Variants in NDRG3 observed in about 807,000 individuals in gnomAD.
The protein encoded by NDRG3 is protein NDRG3.
NDRG3 carries 23 observed loss-of-function variants against 57.2 expected under a neutral mutation model. The ratio of observed to expected loss-of-function variants is 0.40; its 90% confidence interval spans 0.29 to 0.57. The LOEUF (loss-of-function observed/expected upper bound fraction) is 0.57, where lower values mean the gene tolerates loss of function less well. Among genes scored for constraint, NDRG3 ranks in the 20% least tolerant of loss-of-function variants. The probability of loss-of-function intolerance (pLI) is 0.42; values close to 1 mark genes in which losing one functional copy is unlikely to be tolerated. For synonymous variants in NDRG3, 132 were observed against 162.6 expected, an observed-to-expected ratio of 0.81 and a Z score of 1.43; for missense variants, 384 against 457.3, an observed-to-expected ratio of 0.84 and a Z score of 1.46.
In NDRG3 at chr20:36,687,626, A is replaced by C; in HGVS notation, c.200-14T>G. ...AACAGGATTTATCTATAAGAATAAA[A>C]ATACCCATAAGTCACAGGCTCTCCA... is the stretch of plus-strand genomic sequence containing the variant. On this transcript the variant is annotated splice_polypyrimidine_tract_variant and intron_variant, in intron 4 of 15. Coordinates refer to ENST00000349004, the MANE Select transcript of NDRG3 (RefSeq NM_032013.4). 3 of 1,611,242 alleles carry C rather than the reference A, an allele frequency of 1.9e-6. No individual in the cohort carries two copies. The highest frequency in any genetic ancestry group is 2.5e-6 in the Non-Finnish European group (3 of 1,178,404).
At chr20:36,666,443 TC>T in intron 9 of NDRG3, 51 bp from the exon 10 acceptor site, 1 of 1,379,314 alleles carries the variant, frequency 7.2e-7, no homozygotes, top group South Asian at 1.2e-5. Context: ...CCAGAATAAG[TC>T]CATCTTGTTT....
chr20:36,708,789 G>T (rs190266867), intron 2 of NDRG3, among the ~76,000 whole-genome samples: 1 of 151,712 alleles, frequency 6.6e-6, no homozygotes, highest in Non-Finnish European at 1.5e-5. Context: ...ATCCCAGCAC[G>T]GCACTTTGGG....
intron 3 of NDRG3, among the ~76,000 whole-genome samples, chr20:36,705,571 G>A (rs1338714924): frequency 6.6e-6 from 1 of 152,024 alleles, no homozygotes. Context: ...GCTGAATACT[G>A]GAAGCAAGGA....
intron 1 of NDRG3, among the ~76,000 whole-genome samples, chr20:36,732,410 G>A (rs905463037): frequency 1.3e-5 from 2 of 152,186 alleles, no homozygotes; most frequent in Admixed American, 6.6e-5. Context: ...GACACCCAGA[G>A]ACGCATGGAT....
At chr20:36,679,981 C>T (rs1383426374) in intron 8 of NDRG3, among the ~76,000 whole-genome samples, 1 of 151,018 alleles carries the variant, frequency 6.6e-6, no homozygotes, top group African/African-American at 2.4e-5. Context: ...TGCACCACCA[C>T]ACCCGACTAA....
chr20:36,710,128 T>G (rs927760761), intron 2 of NDRG3, among the ~76,000 whole-genome samples: 1 of 152,016 alleles, frequency 6.6e-6, no homozygotes, highest in African/African-American at 2.4e-5. Flanking sequence ...AAGACCAGCC[T>G]AGGCAACATG....
At chr20:36,704,770 G>A (rs980067168) in intron 3 of NDRG3, among the ~76,000 whole-genome samples, 3 of 152,178 alleles carry the variant, frequency 2.0e-5, no homozygotes, top group Non-Finnish European at 4.4e-5. Context: ...TATTACAAAC[G>A]AGTTTGGAAC....
intron 1 of NDRG3, among the ~76,000 whole-genome samples, chr20:36,745,432 C>G (rs1216471649): frequency 1.3e-5 from 2 of 152,144 alleles, no homozygotes; most frequent in African/African-American, 2.4e-5. Context: ...CCTGAGAGCC[C>G]GAGACCCTGA....
At chr20:36,707,668 T>C (rs938174632) in intron 2 of NDRG3, among the ~76,000 whole-genome samples, 2 of 152,004 alleles carry the variant, frequency 1.3e-5, no homozygotes, top group African/African-American at 4.8e-5. Context: ...GATGGAGAAT[T>C]CACCAAGCTT....
chr20:36,730,343 T>A (rs1985205756), intron 1 of NDRG3, among the ~76,000 whole-genome samples: 1 of 151,746 alleles, frequency 6.6e-6, no homozygotes, highest in Non-Finnish European at 1.5e-5. Context: ...TAACCTTGAA[T>A]TCCAATGGTC....
At chr20:36,673,964 G>A (rs1245291578) in intron 8 of NDRG3, among the ~76,000 whole-genome samples, 32 of 151,830 alleles carry the variant, frequency 2.1e-4, no homozygotes, top group African/African-American at 6.5e-4. Flanking sequence ...TTAGCTGGGC[G>A]TGGTGGCACG....
rs775856189 is a variant in NDRG3, at chr20:36,684,478, G to A, written c.321-3C>T. 11 of 1,612,144 alleles carry A rather than the reference G, an allele frequency of 6.8e-6. No homozygotes were observed. Among genetic ancestry groups the A allele is most frequent in the Middle Eastern group, 1.6e-4 (1 of 6,082 alleles). On this transcript the variant is annotated splice_polypyrimidine_tract_variant and splice_region_variant and intron_variant, in intron 5 of 15. Coordinates refer to ENST00000349004, the MANE Select transcript of NDRG3 (RefSeq NM_032013.4). ...CATCCATTGTGGGGTACTGATACCT[G>A]CAATCCAGAAGGATATCTCCTGAAT...
intron 2 of NDRG3, among the ~76,000 whole-genome samples, chr20:36,709,600 A>G (rs1263714041): frequency 6.6e-6 from 1 of 152,232 alleles, no homozygotes; most frequent in African/African-American, 2.4e-5. Flanking sequence ...AAAGGAGCAT[A>G]ATGTTCCATG....
intron 1 of NDRG3, among the ~76,000 whole-genome samples, chr20:36,725,256 C>T (rs1225340403): frequency 6.6e-6 from 1 of 150,934 alleles, no homozygotes; most frequent in East Asian, 2.0e-4. Flanking sequence ...GAGATTGCGC[C>T]ACCGCACTCC....
In NDRG3 at chr20:36,746,079, A is replaced by G. The variant is rs1292827923; in HGVS notation, c.-83T>C. 23 of 251,432 alleles carry G rather than the reference A, an allele frequency of 9.1e-5. No individual in the cohort carries two copies. The highest frequency in any genetic ancestry group is 4.0e-4 in the Admixed American group (7 of 17,406). 15.6% of individuals were successfully genotyped at this position (251,432 alleles called of 1,614,324 possible). On this transcript the variant is annotated 5_prime_UTR_variant, in exon 1 of 16. Coordinates refer to ENST00000349004, the MANE Select transcript of NDRG3 (RefSeq NM_032013.4). The stretch of plus-strand genomic sequence containing the variant: ...GGGCACCCGCCGTCAGTGCAGCAGC[A>G]GCGGCGGCGGCGGCGGCGGCGGCGG...
chr20:36,706,910 C>G (rs1476790062), intron 3 of NDRG3, 62 bp downstream of exon 3: 33 of 1,432,710 alleles, frequency 2.3e-5, no homozygotes, highest in Non-Finnish European at 2.9e-5. Flanking sequence ...ACCACCACCA[C>G]AGGAAAGGAA....
intron 1 of NDRG3, among the ~76,000 whole-genome samples, chr20:36,739,341 G>A (rs1985795371): frequency 6.6e-6 from 1 of 151,406 alleles, no homozygotes; most frequent in African/African-American, 2.4e-5. Flanking sequence ...TAGCTACTCG[G>A]GAGCCTGAGG....
intron 8 of NDRG3, among the ~76,000 whole-genome samples, chr20:36,680,133 A>T (rs1458846394): frequency 6.6e-6 from 1 of 151,626 alleles, no homozygotes; most frequent in African/African-American, 2.4e-5. Flanking sequence ...CCAAACTGTA[A>T]TTTAGAACTA....
At chr20:36,709,249 T>C (rs1167589238) in intron 2 of NDRG3, among the ~76,000 whole-genome samples, 2 of 152,176 alleles carry the variant, frequency 1.3e-5, no homozygotes, top group Non-Finnish European at 2.9e-5. Context: ...CAAGTGCTCA[T>C]ACTCTTGGGC....
Sources: gnomAD v4.1 joint callset for allele counts (sites outside exome capture counted in the v4.1 genomes callset) on GRCh38, gnomAD v4.1.1 for gene constraint, MANE v1.5 for transcripts, NCBI Gene and HGNC (gene_info 2026-07-23, HGNC 2026-07-21) for gene names.